Variants in ZNF469 observed in about 807,000 individuals in gnomAD.
ZNF469 encodes the protein zinc finger protein 469.
In ZNF469, 1 loss-of-function variant was observed where a neutral mutation model predicts 1.0. That is an observed-to-expected ratio of 1.00 (90% CI 0.35 to 4.73). The LOEUF is 4.73. ZNF469 is among the 30% of genes most tolerant of loss of function. The pLI is 0.16. For missense variants in ZNF469, 6,100 were observed against 5,356.3 expected (o/e 1.14, Z -4.33); for synonymous variants, 2,703 against 2,363.4 (o/e 1.14, Z -4.17).
At chr16:88,342,625 G>C in the ZNF469 span, among the ~76,000 whole-genome samples, 10 of 152,218 alleles carry the variant, frequency 6.6e-5, no homozygotes, top group African/African-American at 4.8e-5. Context: ...GTCATGCAGA[G>C]GCGGCTCTGA....
At chr16:88,179,503 C>A in the ZNF469 span, among the ~76,000 whole-genome samples, 3 of 152,168 alleles carry the variant, frequency 2.0e-5, no homozygotes, top group African/African-American at 7.2e-5. Flanking sequence ...CCAAAGAAAC[C>A]ACTTTTCTTT....
chr16:88,381,062 A>G (rs531138809), upstream of ZNF469, among the ~76,000 whole-genome samples: 1 of 147,426 alleles, frequency 6.8e-6, no homozygotes, highest in African/African-American at 2.6e-5. Context: ...ACACGCTCTC[A>G]CACACAGGCA....
rs557940686 is a variant in ZNF469, at chr16:88,422,550, G to A, written c.-191-2257G>A. Among the ~76,000 whole-genome samples, 5 of 148,300 alleles carry A rather than the reference G, an allele frequency of 3.4e-5. No individual in the cohort carries two copies. In the East Asian group the frequency reaches 1.0e-3, roughly 31 times the overall value. On this transcript the variant is annotated intron_variant, in intron 1 of 2. Coordinates refer to ENST00000565624, the MANE Select transcript of ZNF469 (RefSeq NM_001367624.2). The stretch of plus-strand genomic sequence containing the variant: ...ATGCATGGATGGGCAGGTGGATGGG[G>A]GGATGGGCGGGTGGATGGATGAATG...
the ZNF469 span, among the ~76,000 whole-genome samples, chr16:88,200,547 A>G: frequency 2.6e-5 from 4 of 152,226 alleles, no homozygotes; most frequent in African/African-American, 9.6e-5. Context: ...GTCTGCAACC[A>G]GAGAAGGCGC....
At chr16:88,315,238 C>A in the ZNF469 span, among the ~76,000 whole-genome samples, 1 of 152,196 alleles carries the variant, frequency 6.6e-6, no homozygotes. Flanking sequence ...AACGGGCGCA[C>A]GAGATCTGTG....
Position 88,428,777 on chromosome 16 carries a change from G to A in ZNF469, c.1307G>A (p.Arg436Lys). ...ELAAPGPPPA[R>K]LPQLWDPTAA... ...GCCGCCCCAGGGCCCCCACCCGCCA[G>A]GCTGCCCCAGCTGTGGGACCCCACA... is the stretch of plus-strand genomic sequence containing the variant. Residue 436 changes from arginine (R) to lysine (K), a missense_variant, in exon 3 of 3, where the codon AGG becomes AAG. Transcript: ENST00000565624. 1.3e-6 allele frequency: 2 copies of A among 1,545,686 alleles called. No homozygotes were observed. Among genetic ancestry groups the A allele is most frequent in the South Asian group, 2.4e-5 (2 of 83,964 alleles).
the ZNF469 span, among the ~76,000 whole-genome samples, chr16:88,113,823 C>T: frequency 7.2e-5 from 11 of 152,200 alleles, no homozygotes; most frequent in African/African-American, 2.7e-4. Context: ...ATCAGATACA[C>T]ATGCAGCCTC....
At position 88,429,777 on chromosome 16, in the gene ZNF469, C is replaced by T; in HGVS notation, c.2307C>T (p.Gly769=). 1.3e-6 allele frequency: 2 copies of T among 1,544,040 alleles called. No individual in the cohort carries two copies. The highest frequency in any genetic ancestry group is 4.9e-5 in the East Asian group (2 of 40,790). Residue 769 remains glycine (G), a synonymous_variant, in exon 3 of 3, where the codon GGC becomes GGT. Transcript: ENST00000565624. The stretch of plus-strand genomic sequence containing the variant: ...AGGATGGCCACCAGCGGTCTCCAGG[C>T]CCCCCTGGGCTCCCCTCGCCCCCCG... ...RAKDGHQRSP[G]PPGLPSPPAA...
chr16:88,402,017 T>TGC (rs1904894349), intron 1 of ZNF469, among the ~76,000 whole-genome samples: 1 of 146,150 alleles, frequency 6.8e-6, no homozygotes, highest in African/African-American at 2.6e-5. Flanking sequence ...GATGGATAGA[T>TGC]ATGTGGGTGG....
At chr16:88,346,316 G>A in the ZNF469 span, among the ~76,000 whole-genome samples, 9 of 152,190 alleles carry the variant, frequency 5.9e-5, no homozygotes, top group African/African-American at 2.2e-4. Context: ...CTGCGAGTGT[G>A]CTGGGGACCC....
intron 1 of ZNF469, among the ~76,000 whole-genome samples, chr16:88,396,322 A>G (rs956339725): frequency 6.6e-6 from 1 of 152,224 alleles, no homozygotes; most frequent in Non-Finnish European, 1.5e-5. Flanking sequence ...ATCAGCTCCA[A>G]ACTCAAGAGA....
chr16:88,204,466 C>G, the ZNF469 span, among the ~76,000 whole-genome samples: 1 of 152,274 alleles, frequency 6.6e-6, no homozygotes, highest in Non-Finnish European at 1.5e-5. Flanking sequence ...TTTCAGGCCA[C>G]TTGGCCAGCA....
the ZNF469 span, among the ~76,000 whole-genome samples, chr16:88,200,343 G>C: frequency 4.6e-5 from 7 of 152,216 alleles, no homozygotes; most frequent in African/African-American, 1.7e-4. Flanking sequence ...TGGGTTGCTT[G>C]GACAGAAGCC....
At chr16:88,129,750 C>T in the ZNF469 span, among the ~76,000 whole-genome samples, 2 of 152,208 alleles carry the variant, frequency 1.3e-5, no homozygotes, top group African/African-American at 4.8e-5. Context: ...GTCTCAGCTA[C>T]TCAGGAGGGC....
At chr16:88,177,085 G>GA in the ZNF469 span, among the ~76,000 whole-genome samples, 1 of 152,228 alleles carries the variant, frequency 6.6e-6, no homozygotes. This position sits in a 1 kb window ranked among gnomAD's most constrained non-coding sequence, Gnocchi z 4.8. Flanking sequence ...ATGTTTGACT[G>GA]ACAGGTGATA....
chr16:88,210,056 T>C, the ZNF469 span, among the ~76,000 whole-genome samples: 1 of 152,272 alleles, frequency 6.6e-6, no homozygotes, highest in Admixed American at 6.5e-5. Flanking sequence ...TGGGAACATG[T>C]TCTCAGTGAC....
the ZNF469 span, among the ~76,000 whole-genome samples, chr16:88,122,641 C>T: frequency 6.6e-6 from 1 of 152,168 alleles, no homozygotes; most frequent in African/African-American, 2.4e-5. Context: ...CCTGTGTGAG[C>T]CGGCAACCTC....
the ZNF469 span, among the ~76,000 whole-genome samples, chr16:88,286,386 C>G: frequency 1.3e-5 from 2 of 152,258 alleles, no homozygotes; most frequent in African/African-American, 4.8e-5. Context: ...CTTTCTGCAC[C>G]TGCCTGTCTG....
chr16:88,425,693 A>G (rs1033492762), intron 2 of ZNF469, among the ~76,000 whole-genome samples: 2 of 152,146 alleles, frequency 1.3e-5, no homozygotes, highest in Admixed American at 1.3e-4. Context: ...TATTCACTCA[A>G]CAAACCTCAC....
Sources: allele counts gnomAD v4.1 joint callset (sites outside exome capture counted in the v4.1 genomes callset), GRCh38; gene constraint gnomAD v4.1.1; non-coding constraint Gnocchi (gnomAD v3.1); transcripts MANE v1.5; gene names NCBI Gene and HGNC (gene_info 2026-07-23, HGNC 2026-07-21).